The following SLC35D2 variants were observed in gnomAD, a reference collection of about 807,000 sequenced individuals.
SLC35D2 encodes nucleotide sugar transporter SLC35D2.
SLC35D2 carries 43 observed loss-of-function variants against 41.8 expected under a neutral mutation model. The observed-to-expected ratio is 1.03, with a 90% CI of 0.81 to 1.33. The LOEUF (loss-of-function observed/expected upper bound fraction) is 1.33. Ranked by LOEUF, SLC35D2 falls within the 40% of genes most tolerant of loss-of-function variation. The pLI, the probability that SLC35D2 is intolerant of heterozygous loss-of-function variation, is 0.00. For missense variants in SLC35D2, 380 were observed against 408.4 expected, an observed-to-expected ratio of 0.93 and a Z score of 0.60; for synonymous variants, 150 against 163.9, an observed-to-expected ratio of 0.92 and a Z score of 0.65.
chr9:96,381,626 T>A (rs192089643), intron 1 of SLC35D2, among the ~76,000 whole-genome samples: 1 of 152,320 alleles, frequency 6.6e-6, no homozygotes, highest in East Asian at 1.9e-4. Context: ...ACATCTGACA[T>A]AATGTAAATG....
chr9:96,370,515 G>A (rs1215723552), intron 1 of SLC35D2, among the ~76,000 whole-genome samples: 1 of 151,984 alleles, frequency 6.6e-6, no homozygotes, highest in Non-Finnish European at 1.5e-5. Flanking sequence ...AAATTAGCCG[G>A]GCGTGGTGGT....
downstream of SLC35D2, among the ~76,000 whole-genome samples, chr9:96,319,504 T>TA (rs2130819061): frequency 9.7e-6 from 1 of 103,520 alleles, no homozygotes; most frequent in African/African-American, 4.2e-5. Context: ...TTACCACAAT[T>TA]TAAAAAAAAA....
intron 8 of SLC35D2, among the ~76,000 whole-genome samples, chr9:96,342,025 C>A (rs58874034): frequency 1.6e-4 from 24 of 149,102 alleles, no homozygotes; most frequent in African/African-American, 1.2e-4. Context: ...AAAACAAAAA[C>A]AAAAAAAAAC....
intron 10 of SLC35D2, 143 bp from the exon 11 acceptor site, chr9:96,322,223 T>A: frequency 1.7e-6 from 1 of 593,330 alleles, no homozygotes; most frequent in Non-Finnish European, 3.0e-6. Flanking sequence ...TTGAACAAAA[T>A]AAAAACCATT....
chr9:96,367,983 G>C (rs1470563018), intron 2 of SLC35D2, among the ~76,000 whole-genome samples: 2 of 152,162 alleles, frequency 1.3e-5, no homozygotes, highest in Non-Finnish European at 2.9e-5. Context: ...TTACCCTCCA[G>C]GCCTTGGAGG....
chr9:96,358,159 T>G (rs1830118902), intron 4 of SLC35D2, among the ~76,000 whole-genome samples: 1 of 146,326 alleles, frequency 6.8e-6, no homozygotes, highest in African/African-American at 2.6e-5. Flanking sequence ...TTCTGATACC[T>G]AATATAACAT....
chr9:96,331,852 T>G (rs1195658300), intron 9 of SLC35D2, among the ~76,000 whole-genome samples: 1 of 152,154 alleles, frequency 6.6e-6, no homozygotes, highest in Non-Finnish European at 1.5e-5. Context: ...GCAAACCCTA[T>G]TGTGAACTGC....
rs71368250 is a variant in SLC35D2, at chr9:96,372,574, C to CTTTT, written c.159-4273_159-4270dup. 1.0e-4 allele frequency among the ~76,000 whole-genome samples: 9 copies of CTTTT among 90,140 alleles called. 1 individual carries two copies. Among genetic ancestry groups the CTTTT allele is most frequent in the Admixed American group, 2.4e-4 (2 of 8,348 alleles). 59.1% of individuals were successfully genotyped at this position (90,140 alleles called of 152,430 possible). The stretch of plus-strand genomic sequence containing the variant: ...TCTGAGCTAAATAATTAAATAATTA[C>CTTTT]TTTTTTTTTTTTTTTTTTTTTTTTT... On this transcript the variant is annotated intron_variant, in intron 1 of 11. Coordinates refer to ENST00000253270, the MANE Select transcript of SLC35D2 (RefSeq NM_007001.3).
intron 9 of SLC35D2, among the ~76,000 whole-genome samples, chr9:96,332,692 T>A (rs939551302): frequency 2.0e-5 from 3 of 151,214 alleles, no homozygotes; most frequent in Non-Finnish European, 4.4e-5. Flanking sequence ...GGCAGGAGAA[T>A]CGCTTGAACT....
At chr9:96,363,172 T>TA (rs1830349068) in intron 3 of SLC35D2, among the ~76,000 whole-genome samples, 3 of 151,324 alleles carry the variant, frequency 2.0e-5, no homozygotes, top group Non-Finnish European at 4.4e-5. Context: ...TGGCTTATTT[T>TA]TTTTTTTTTT....
downstream of SLC35D2, among the ~76,000 whole-genome samples, chr9:96,318,571 T>G (rs1828112308): frequency 1.3e-5 from 2 of 152,044 alleles, no homozygotes; most frequent in African/African-American, 4.8e-5. Context: ...GGCAATGGAC[T>G]TGAATAGACA....
chr9:96,373,418 G>T (rs980099794), intron 1 of SLC35D2, among the ~76,000 whole-genome samples: 2 of 152,052 alleles, frequency 1.3e-5, no homozygotes, highest in Non-Finnish European at 2.9e-5. Context: ...GCCGGGAGTG[G>T]TAGCTTACAC....
intron 10 of SLC35D2, among the ~76,000 whole-genome samples, chr9:96,323,359 C>T (rs1828344636): frequency 6.6e-6 from 1 of 152,076 alleles, no homozygotes; most frequent in African/African-American, 2.4e-5. Flanking sequence ...AGCAAACACC[C>T]ACACACCAAC....
intron 9 of SLC35D2, among the ~76,000 whole-genome samples, chr9:96,333,991 T>C (rs1828934491): frequency 6.6e-6 from 1 of 152,156 alleles, no homozygotes; most frequent in African/African-American, 2.4e-5. Flanking sequence ...CTCACAAGCA[T>C]GGCTTAGATT....
At chr9:96,374,818 A>G (rs1184830029) in intron 1 of SLC35D2, among the ~76,000 whole-genome samples, 1 of 151,060 alleles carries the variant, frequency 6.6e-6, no homozygotes, top group Non-Finnish European at 1.5e-5. Flanking sequence ...AGCCTGCGCA[A>G]AAGAGCAAGA....
chr9:96,359,155 T>A (rs1018419869), intron 4 of SLC35D2, among the ~76,000 whole-genome samples: 1 of 151,812 alleles, frequency 6.6e-6, no homozygotes, highest in East Asian at 2.0e-4. Context: ...ATACAAAAAA[T>A]TAGCCGGGCA....
chr9:96,365,742 T>A (rs557309432), intron 2 of SLC35D2, among the ~76,000 whole-genome samples: 1 of 152,304 alleles, frequency 6.6e-6, no homozygotes, highest in South Asian at 2.1e-4. Context: ...ATCCTCTTAA[T>A]CTGGAGTACC....
At chr9:96,332,620 A>G (rs909902492) in intron 9 of SLC35D2, among the ~76,000 whole-genome samples, 1 of 151,932 alleles carries the variant, frequency 6.6e-6, no homozygotes, top group African/African-American at 2.4e-5. Context: ...CTCTGCTAAA[A>G]ATACAAAAAT....
Position 96,351,992 on chromosome 9 carries a change from A to G in SLC35D2, c.419+46T>C, listed in dbSNP as rs773044390. ...AGAATTTGCTGGGTAAAAGAAATGC[A>G]GTGGGTGGGAGGCACACTGGAAGAA... is the stretch of plus-strand genomic sequence containing the variant. On this transcript the variant is annotated intron_variant, in intron 5 of 11. Coordinates refer to ENST00000253270, the MANE Select transcript of SLC35D2 (RefSeq NM_007001.3). The G allele has an allele frequency of 6.9e-5, 85 of 1,240,560 alleles. 1 individual carries two copies. In the South Asian group the frequency reaches 1.0e-3, roughly 15 times the overall value. 76.8% of individuals were successfully genotyped at this position (1,240,560 alleles called of 1,614,324 possible).
Sources: allele counts gnomAD v4.1 joint callset (sites outside exome capture counted in the v4.1 genomes callset), GRCh38; gene constraint gnomAD v4.1.1; transcripts MANE v1.5; gene names NCBI Gene and HGNC (gene_info 2026-07-23, HGNC 2026-07-21).